Variants in LRRC4C observed in about 807,000 individuals in gnomAD.
The protein encoded by LRRC4C is leucine-rich repeat-containing protein 4C.
Under a neutral mutation model 33.6 loss-of-function variants are expected in LRRC4C, and 5 were observed. That is an observed-to-expected ratio of 0.15 (90% CI 0.08 to 0.31). The LOEUF is 0.31. Ranked by LOEUF, LRRC4C falls within the 10% of genes least tolerant of loss-of-function variation. LRRC4C has a pLI of 1.00. For missense variants in LRRC4C, 560 were observed against 796.7 expected (o/e 0.70, Z 3.58); for synonymous variants, 329 against 302.0 (o/e 1.09, Z -0.93).
intron 1 of LRRC4C, among the ~76,000 whole-genome samples, chr11:41,058,446 C>A (rs1281212670): frequency 6.6e-6 from 1 of 152,258 alleles, no homozygotes; most frequent in Admixed American, 6.5e-5. Flanking sequence ...TTGCCCTTGG[C>A]AGGCATGGGA....
intron 2 of LRRC4C, among the ~76,000 whole-genome samples, chr11:40,888,052 TG>T (rs1295608771): frequency 6.6e-6 from 1 of 151,990 alleles, no homozygotes; most frequent in Non-Finnish European, 1.5e-5. Flanking sequence ...CCTACTTCAC[TG>T]AGTCTCCATT....
At chr11:40,745,697 A>G (rs1948383018) in intron 2 of LRRC4C, among the ~76,000 whole-genome samples, 1 of 152,166 alleles carries the variant, frequency 6.6e-6, no homozygotes, top group Non-Finnish European at 1.5e-5. Context: ...TACAATGAAT[A>G]TATTTACTGT....
chr11:41,017,818 T>C (rs1023824065), intron 1 of LRRC4C, among the ~76,000 whole-genome samples: 1 of 150,740 alleles, frequency 6.6e-6, no homozygotes, highest in South Asian at 2.1e-4. Flanking sequence ...ATAAAACATA[T>C]GGCAAAATAC....
At chr11:40,939,367 A>G (rs1006356758) in intron 1 of LRRC4C, among the ~76,000 whole-genome samples, 5 of 152,174 alleles carry the variant, frequency 3.3e-5, no homozygotes, top group African/African-American at 1.2e-4. Context: ...TTAAATCATT[A>G]TATCTTCTTT....
chr11:40,742,262 A>G (rs2136914317), intron 2 of LRRC4C, among the ~76,000 whole-genome samples: 2 of 152,184 alleles, frequency 1.3e-5, no homozygotes, highest in South Asian at 4.1e-4. Flanking sequence ...AGTTAGATGC[A>G]AAGGAGACTT....
At chr11:41,117,349 A>G (rs1194807337) in intron 1 of LRRC4C, among the ~76,000 whole-genome samples, 2 of 152,186 alleles carry the variant, frequency 1.3e-5, no homozygotes, top group Non-Finnish European at 1.5e-5. Flanking sequence ...AAACATAACA[A>G]AATATTAAGT....
intron 3 of LRRC4C, among the ~76,000 whole-genome samples, chr11:40,553,009 G>A (rs1461406051): frequency 1.3e-5 from 2 of 152,266 alleles, no homozygotes; most frequent in Admixed American, 6.5e-5. Flanking sequence ...GGTAACTCAT[G>A]TATGTAACCC....
chr11:40,519,082 G>T (rs1955693281), intron 3 of LRRC4C, among the ~76,000 whole-genome samples: 1 of 152,082 alleles, frequency 6.6e-6, no homozygotes, highest in African/African-American at 2.4e-5. Context: ...ACACACCAGG[G>T]CCTGTTGGGG....
intron 4 of LRRC4C, among the ~76,000 whole-genome samples, chr11:40,247,919 A>T (rs1866476719): frequency 1.3e-5 from 2 of 152,202 alleles, no homozygotes; most frequent in Admixed American, 1.3e-4. Context: ...TTAGCAGAAA[A>T]TGATGTTATG....
At position 41,202,673 on chromosome 11, in the gene LRRC4C, C is replaced by T. The variant is rs192632510; in HGVS notation, c.-496+256758G>A. On this transcript the variant is annotated intron_variant, in intron 1 of 6. Transcript: ENST00000528697. ...TTGGCTCTAATGCTTTTGGAATGAG[C>T]CTCTCTTCAAATATTAAGGATTTTG... Among the ~76,000 whole-genome samples, 325 of 152,124 alleles carry T rather than the reference C, an allele frequency of 2.1e-3. 3 individuals carry two copies. Among genetic ancestry groups the T allele is most frequent in the African/African-American group, 7.7e-3 (320 of 41,518 alleles).
intron 2 of LRRC4C, among the ~76,000 whole-genome samples, chr11:40,903,204 C>G (rs1956282190): frequency 6.6e-6 from 1 of 152,200 alleles, no homozygotes; most frequent in Non-Finnish European, 1.5e-5. Flanking sequence ...GATGCTAAAT[C>G]TACTCCACTT....
At chr11:41,264,612 T>C (rs535786618) in intron 1 of LRRC4C, among the ~76,000 whole-genome samples, 1 of 152,240 alleles carries the variant, frequency 6.6e-6, no homozygotes, top group African/African-American at 2.4e-5. Context: ...AATTGTACCA[T>C]AGACACTTGA....
intron 1 of LRRC4C, among the ~76,000 whole-genome samples, chr11:41,319,538 G>T (rs2137258261): frequency 6.6e-6 from 1 of 152,182 alleles, no homozygotes; most frequent in South Asian, 2.1e-4. Context: ...TTGTTTGTTT[G>T]TCTGTCTTTT....
At chr11:41,335,143 C>T (rs1275312482) in intron 1 of LRRC4C, among the ~76,000 whole-genome samples, 1 of 152,058 alleles carries the variant, frequency 6.6e-6, no homozygotes, top group East Asian at 1.9e-4. Flanking sequence ...TTATTTTTGC[C>T]CCATCACTTA....
chr11:40,177,482 C>A (rs1860605862), intron 5 of LRRC4C, among the ~76,000 whole-genome samples: 1 of 152,044 alleles, frequency 6.6e-6, no homozygotes, highest in South Asian at 2.1e-4. Flanking sequence ...TCACTATATA[C>A]CTTCCAGTCA....
chr11:40,140,229 A>G (rs1857267952), intron 6 of LRRC4C, among the ~76,000 whole-genome samples: 1 of 152,230 alleles, frequency 6.6e-6, no homozygotes, highest in South Asian at 2.1e-4. Context: ...ATCATAGAGC[A>G]AAGAGTCAGT....
chr11:40,388,809 T>A (rs1427881728), intron 3 of LRRC4C, among the ~76,000 whole-genome samples: 1 of 152,186 alleles, frequency 6.6e-6, no homozygotes, highest in Non-Finnish European at 1.5e-5. Context: ...AAGTCTCATC[T>A]CTGTGTTTTT....
intron 3 of LRRC4C, among the ~76,000 whole-genome samples, chr11:40,615,960 G>A (rs1565562702): frequency 6.6e-6 from 1 of 151,764 alleles, no homozygotes. Flanking sequence ...AAATAGTTGT[G>A]CAAGTTTTAA....
At chr11:41,338,875 A>G (rs530585418) in intron 1 of LRRC4C, among the ~76,000 whole-genome samples, 1 of 152,272 alleles carries the variant, frequency 6.6e-6, no homozygotes, top group East Asian at 1.9e-4. Context: ...TTAACAACAG[A>G]TTCCATAGAT....
Sources: gnomAD v4.1 joint callset for allele counts (sites outside exome capture counted in the v4.1 genomes callset) on GRCh38, gnomAD v4.1.1 for gene constraint, MANE v1.5 for transcripts, NCBI Gene and HGNC (gene_info 2026-07-23, HGNC 2026-07-21) for gene names.